The following STXBP4 variants were observed in gnomAD, a reference collection of about 807,000 sequenced individuals.
STXBP4 encodes the protein syntaxin binding protein 4.
In STXBP4, 55 loss-of-function variants were observed where a neutral mutation model predicts 76.1. The observed-to-expected ratio is 0.72, with a 90% CI of 0.58 to 0.91. STXBP4 has a LOEUF of 0.91. STXBP4 is among the 40% of genes least tolerant of loss of function. STXBP4 has a pLI of 0.00. For synonymous variants in STXBP4, 201 were observed against 220.2 expected (o/e 0.91, Z 0.77); for missense variants, 618 against 636.9 (o/e 0.97, Z 0.32).
At chr17:55,150,386 T>C (rs2080202532) in intron 17 of STXBP4, among the ~76,000 whole-genome samples, 4 of 152,284 alleles carry the variant, frequency 2.6e-5, no homozygotes, top group Admixed American at 2.0e-4. Flanking sequence ...TGTCTCTTCT[T>C]ACAAAGACAC....
At chr17:54,990,748 T>C in intron 3 of STXBP4, 77 bp from the exon 4 acceptor site, 1 of 1,483,652 alleles carries the variant, frequency 6.7e-7, no homozygotes, top group Non-Finnish European at 8.9e-7. Flanking sequence ...CAGATTTTGA[T>C]TTAATAAGTA....
chr17:55,117,599 GA>G lies in STXBP4; in HGVS notation c.1490-23700del, dbSNP rs11452679. Among the ~76,000 whole-genome samples, 34 of 147,168 alleles carry G rather than the reference GA, an allele frequency of 2.3e-4. No individual in the cohort carries two copies. The South Asian group carries it at 4.3e-3, about 19-fold the overall frequency. On this transcript the variant is annotated intron_variant, in intron 16 of 17. Transcript: ENST00000376352. ...TCTACCCAAATTTGCTGCACTAATC[GA>G]AAAAAAAAAACAATAATTTCAGCTG...
At chr17:55,013,276 C>T (rs1248225356) in intron 8 of STXBP4, among the ~76,000 whole-genome samples, 1 of 152,212 alleles carries the variant, frequency 6.6e-6, no homozygotes, top group Non-Finnish European at 1.5e-5. Flanking sequence ...AAAGAAAAGT[C>T]TTGCCCCGTT....
intron 8 of STXBP4, among the ~76,000 whole-genome samples, chr17:55,021,794 T>C (rs553937747): frequency 2.0e-5 from 3 of 152,292 alleles, no homozygotes; most frequent in East Asian, 1.9e-4. Flanking sequence ...TACTATGTTA[T>C]TTTTTAGAAA....
chr17:54,976,176 A>G (rs1416896877), intron 1 of STXBP4, among the ~76,000 whole-genome samples: 2 of 152,214 alleles, frequency 1.3e-5, no homozygotes, highest in Non-Finnish European at 2.9e-5. Flanking sequence ...GCAGTCCGGT[A>G]GCCTAAGGAA....
intron 17 of STXBP4, among the ~76,000 whole-genome samples, chr17:55,142,117 T>C (rs1482093873): frequency 6.6e-6 from 1 of 152,214 alleles, no homozygotes; most frequent in East Asian, 1.9e-4. Flanking sequence ...GATTCTACTA[T>C]CTGCACTAGA....
At chr17:55,072,085 G>T (rs919449891) in intron 12 of STXBP4, among the ~76,000 whole-genome samples, 3 of 152,058 alleles carry the variant, frequency 2.0e-5, no homozygotes, top group Admixed American at 6.6e-5. Flanking sequence ...CCTGTATGGG[G>T]TTTTTTTGTT....
At chr17:55,007,361 A>G in intron 7 of STXBP4, 145 bp from the exon 8 acceptor site, 1 of 680,688 alleles carries the variant, frequency 1.5e-6, no homozygotes, top group African/African-American at 1.9e-5. Context: ...AGAAAAGAAA[A>G]AAAAATTATG....
At chr17:55,065,891 A>G (rs905980960) in intron 12 of STXBP4, among the ~76,000 whole-genome samples, 14 of 152,342 alleles carry the variant, frequency 9.2e-5, no homozygotes, top group African/African-American at 3.1e-4. Flanking sequence ...GCAGGTAAAA[A>G]AAGTTGAAAG....
chr17:55,062,427 T>C (rs930634779), intron 12 of STXBP4, among the ~76,000 whole-genome samples: 1 of 152,198 alleles, frequency 6.6e-6, no homozygotes, highest in Non-Finnish European at 1.5e-5. Context: ...ACTCATCCTT[T>C]TTTTATGGCT....
chr17:55,204,833 C>CACACACACACACACAT, the STXBP4 span, among the ~76,000 whole-genome samples: 1,636 of 123,188 alleles, frequency 0.013, 31 homozygotes, highest in Admixed American at 0.056. Flanking sequence ...CACACACACA[C>CACACACACACACACAT]ACACACACAC....
At chr17:55,078,655 A>G (rs767125190) in intron 14 of STXBP4, 31 bp from the exon 15 acceptor site, 5 of 1,383,084 alleles carry the variant, frequency 3.6e-6, no homozygotes, top group South Asian at 2.5e-5. Flanking sequence ...TCAAACTGAT[A>G]TATCTCCTTC....
At chr17:55,061,122 C>A (rs1289373269) in intron 12 of STXBP4, among the ~76,000 whole-genome samples, 1 of 152,162 alleles carries the variant, frequency 6.6e-6, no homozygotes, top group Non-Finnish European at 1.5e-5. Context: ...ACACAGGATT[C>A]TCTGTGGACA....
At chr17:55,049,543 T>G (rs950698265) in intron 12 of STXBP4, among the ~76,000 whole-genome samples, 1 of 151,574 alleles carries the variant, frequency 6.6e-6, no homozygotes, top group Non-Finnish European at 1.5e-5. Flanking sequence ...TAGGTAAAAA[T>G]AGAGGAGATA....
At chr17:54,986,288 T>G (rs749088320) in intron 3 of STXBP4, 22 bp downstream of exon 3, 1 of 1,516,856 alleles carries the variant, frequency 6.6e-7, no homozygotes, top group Admixed American at 1.9e-5. Context: ...GTTTAATATG[T>G]TTTGAAATAT....
At chr17:55,112,472 C>G (rs915436691) in intron 16 of STXBP4, among the ~76,000 whole-genome samples, 2 of 152,066 alleles carry the variant, frequency 1.3e-5, no homozygotes, top group Non-Finnish European at 2.9e-5. Context: ...TTATATAAAA[C>G]TAGACAATAA....
chr17:55,131,401 A>G (rs2079972225), intron 16 of STXBP4, among the ~76,000 whole-genome samples: 1 of 152,200 alleles, frequency 6.6e-6, no homozygotes, highest in Admixed American at 6.5e-5. Context: ...AGGGATATTT[A>G]TGAAATCACC....
chr17:55,075,824 G>T (rs2079175202), intron 13 of STXBP4, among the ~76,000 whole-genome samples: 1 of 152,090 alleles, frequency 6.6e-6, no homozygotes, highest in Non-Finnish European at 1.5e-5. Flanking sequence ...CTGATTGCAT[G>T]CATCTCTTCT....
At chr17:55,205,352 A>G in the STXBP4 span, among the ~76,000 whole-genome samples, 4 of 152,146 alleles carry the variant, frequency 2.6e-5, no homozygotes, top group Admixed American at 2.6e-4. Flanking sequence ...AGATGAATTA[A>G]AGATCTAAAG....
Sources: gnomAD v4.1 joint callset for allele counts (sites outside exome capture counted in the v4.1 genomes callset) on GRCh38, gnomAD v4.1.1 for gene constraint, MANE v1.5 for transcripts, NCBI Gene and HGNC (gene_info 2026-07-23, HGNC 2026-07-21) for gene names.